Variants in ERGIC1 observed in about 807,000 individuals in gnomAD.
ERGIC1 encodes endoplasmic reticulum-Golgi intermediate compartment protein 1.
In ERGIC1, 19 loss-of-function variants were observed where a neutral mutation model predicts 38.3. That is an observed-to-expected ratio of 0.50 (90% CI 0.35 to 0.73). The LOEUF (loss-of-function observed/expected upper bound fraction) is 0.73. Ranked by LOEUF, ERGIC1 falls within the 30% of genes least tolerant of loss-of-function variation. ERGIC1 has a pLI of 0.01. For synonymous variants in ERGIC1, 124 were observed against 157.6 expected (o/e 0.79, Z 1.60); for missense variants, 294 against 389.2 (o/e 0.76, Z 2.06).
intron 3 of ERGIC1, among the ~76,000 whole-genome samples, chr5:172,903,849 T>TCGAACCC (rs1762948881): frequency 6.6e-6 from 1 of 151,770 alleles, no homozygotes; most frequent in Non-Finnish European, 1.5e-5. Flanking sequence ...AGCCTAGGCT[T>TCGAACCC]TGAACCCTGG....
chr5:172,840,601 T>C (rs1166258796), intron 1 of ERGIC1, among the ~76,000 whole-genome samples: 2 of 152,096 alleles, frequency 1.3e-5, no homozygotes, highest in Non-Finnish European at 2.9e-5. Context: ...GTGGAGAGCC[T>C]TGCCTCGGGA....
chr5:172,842,407 C>A (rs532507822), intron 1 of ERGIC1, among the ~76,000 whole-genome samples: 1 of 152,146 alleles, frequency 6.6e-6, no homozygotes, highest in African/African-American at 2.4e-5. Flanking sequence ...GTATATATAC[C>A]AATATTTACC....
chr5:172,848,901 A>G (rs1761340086), intron 1 of ERGIC1, among the ~76,000 whole-genome samples: 1 of 152,166 alleles, frequency 6.6e-6, no homozygotes, highest in South Asian at 2.1e-4. Flanking sequence ...GGGAAGTCAG[A>G]CATTACTGAG....
In ERGIC1 at chr5:172,926,441, C is replaced by T. The variant is rs111544018; in HGVS notation, c.481-68C>T. 2,610 of 1,588,382 alleles carry T rather than the reference C, an allele frequency of 1.6e-3. 31 individuals are homozygous for T. In the African/African-American group the frequency reaches 0.03, roughly 18 times the overall value. ...GACCAGGTGGTACCTGGCCATCCCC[C>T]ACAACCAGGGCCAGGCCTGGAGGTG... On this transcript the variant is annotated intron_variant, in intron 6 of 9. Coordinates refer to ENST00000393784, the MANE Select transcript of ERGIC1 (RefSeq NM_001031711.3). The surrounding 1 kb of genome is among the most constrained non-coding windows in gnomAD (Gnocchi z 5.2).
intron 1 of ERGIC1, among the ~76,000 whole-genome samples, chr5:172,857,085 C>T (rs1356037377): frequency 6.6e-6 from 1 of 152,180 alleles, no homozygotes; most frequent in African/African-American, 2.4e-5. Flanking sequence ...ACCTTAGGAA[C>T]ATGATGTACG....
intron 7 of ERGIC1, among the ~76,000 whole-genome samples, chr5:172,928,745 A>G (rs113901996): frequency 7.3e-4 from 111 of 152,124 alleles, no homozygotes; most frequent in African/African-American, 2.6e-3. Flanking sequence ...GAGTGCGGTC[A>G]TGAGGACCTC....
In ERGIC1 at chr5:172,834,305, G is replaced by T. The variant is rs1452274554; in HGVS notation, c.-109G>T. 6 of 1,049,276 alleles carry T rather than the reference G, an allele frequency of 5.7e-6. No individual in the cohort carries two copies. In the East Asian group the frequency reaches 2.8e-4, roughly 50 times the overall value. 65.0% of individuals were successfully genotyped at this position (1,049,276 alleles called of 1,614,324 possible). ...GTGGCGAGTGGCGAGTGTCAGGGGGGCGGCCGGCGGGGGCGGGGCGGCCGG... is the reference window on the plus strand; with the variant it reads ...GTGGCGAGTGGCGAGTGTCAGGGGGTCGGCCGGCGGGGGCGGGGCGGCCGG... On this transcript the variant is annotated 5_prime_UTR_variant, in exon 1 of 10. Transcript: ENST00000393784. The surrounding 1 kb of genome is among the most constrained non-coding windows in gnomAD (Gnocchi z 4.1).
intron 1 of ERGIC1, among the ~76,000 whole-genome samples, chr5:172,860,097 C>A (rs1761658545): frequency 1.3e-5 from 2 of 152,118 alleles, no homozygotes; most frequent in Admixed American, 6.6e-5. Context: ...CTTATTCATT[C>A]TTTCACCGAA....
chr5:172,853,681 C>T (rs893791164), intron 1 of ERGIC1, among the ~76,000 whole-genome samples: 5 of 152,206 alleles, frequency 3.3e-5, no homozygotes, highest in East Asian at 1.9e-4. Context: ...CAAGGAGCTG[C>T]GTTGTCAGGA....
At chr5:172,876,649 A>T (rs933756587) in intron 1 of ERGIC1, among the ~76,000 whole-genome samples, 4 of 152,224 alleles carry the variant, frequency 2.6e-5, no homozygotes, top group Admixed American at 2.6e-4. Flanking sequence ...GAAAAATTTG[A>T]CATATGTATA....
At chr5:172,888,551 T>G in intron 1 of ERGIC1, 148 bp from the exon 2 acceptor site, 1 of 710,980 alleles carries the variant, frequency 1.4e-6, no homozygotes, top group Admixed American at 2.0e-5. Context: ...GAGAAGCATC[T>G]TGGAGAAAGT....
At chr5:172,864,702 CATT>C (rs574632711) in intron 1 of ERGIC1, among the ~76,000 whole-genome samples, 21 of 151,834 alleles carry the variant, frequency 1.4e-4, no homozygotes, top group South Asian at 4.2e-4. Context: ...TTGGTAAAAA[CATT>C]GTTGTAGAGG....
intron 8 of ERGIC1, chr5:172,933,815 C>T (rs1294520123): frequency 6.6e-6 from 1 of 152,088 alleles, no homozygotes; most frequent in African/African-American, 2.4e-5. Flanking sequence ...TGTCACATAG[C>T]CACTGTGTGC....
intron 3 of ERGIC1, chr5:172,897,733 G>A (rs1581553449): frequency 4.8e-6 from 2 of 412,894 alleles, no homozygotes; most frequent in Non-Finnish European, 8.8e-6. Context: ...TGTGAGAGCC[G>A]AAGAGTTCAG....
intron 1 of ERGIC1, among the ~76,000 whole-genome samples, chr5:172,860,895 GT>G (rs1761681056): frequency 6.6e-6 from 1 of 152,234 alleles, no homozygotes. Flanking sequence ...GGCTGGGACT[GT>G]GTGGGGAGGA....
intron 3 of ERGIC1, among the ~76,000 whole-genome samples, chr5:172,902,699 G>A (rs1365203955): frequency 6.6e-6 from 1 of 152,106 alleles, no homozygotes; most frequent in Non-Finnish European, 1.5e-5. Flanking sequence ...TTACCTGGAC[G>A]ACTCAGGATT....
chr5:172,943,861 C>T lies in ERGIC1; in HGVS notation c.766-6848C>T, dbSNP rs145935374. 6.6e-5 allele frequency among the ~76,000 whole-genome samples: 10 copies of T among 152,276 alleles called. No individual in the cohort carries two copies. The East Asian group carries it at 1.2e-3, about 18-fold the overall frequency. On this transcript the variant is annotated intron_variant, in intron 9 of 9. Transcript: ENST00000393784. ...GGTGGAAAAACAGGCATTTAGTTCC[C>T]GCTCCAGTGCGGCTGGAACACATCC...
Position 172,935,234 on chromosome 5 carries a change from G to T in ERGIC1, c.689G>T (p.Trp230Leu). 1 of 1,614,146 alleles carries T rather than the reference G, an allele frequency of 6.2e-7. No individual in the cohort carries two copies. The highest frequency in any genetic ancestry group is 2.2e-5 in the East Asian group (1 of 44,884). Residue 230 changes from tryptophan (W) to leucine (L), a missense_variant, in exon 9 of 10, where the codon TGG (tryptophan) becomes TTG (leucine). Physicochemically the swap from Trp to Leu is moderately conservative, Grantham distance 61 (BLOSUM62 -2). Coordinates refer to ENST00000393784, the MANE Select transcript of ERGIC1 (RefSeq NM_001031711.3). The stretch of plus-strand genomic sequence containing the variant: ...ACGGGCCGCATCATCCCTGCAATCT[G>T]GTTCCGCTACGACCTCAGCCCCATC... ...SHTGRIIPAIWFRYDLSPITV... is the reference protein window; with the variant it reads ...SHTGRIIPAILFRYDLSPITV...
chr5:172,885,608 T>C (rs560042814), intron 1 of ERGIC1, among the ~76,000 whole-genome samples: 2 of 152,118 alleles, frequency 1.3e-5, no homozygotes, highest in African/African-American at 2.4e-5. Context: ...CATTTCATAC[T>C]CAGAGAAGCT....
Sources: gnomAD v4.1 joint callset for allele counts (sites outside exome capture counted in the v4.1 genomes callset) on GRCh38, gnomAD v4.1.1 for gene constraint, Gnocchi (gnomAD v3.1) non-coding constraint, MANE v1.5 for transcripts, NCBI Gene and HGNC (gene_info 2026-07-23, HGNC 2026-07-21) for gene names.